Variants in ENOX1 observed in about 807,000 individuals in gnomAD.
ENOX1 encodes the protein ecto-NOX disulfide-thiol exchanger 1.
ENOX1 carries 42 observed loss-of-function variants against 82.5 expected under a neutral mutation model. That is an observed-to-expected ratio of 0.51 (90% CI 0.40 to 0.66). The LOEUF (loss-of-function observed/expected upper bound fraction) is 0.66, where lower values mean the gene tolerates loss of function less well. ENOX1 is among the 30% of genes least tolerant of loss of function. ENOX1 has a pLI of 0.00. For synonymous variants in ENOX1, 271 were observed against 282.2 expected (o/e 0.96, Z 0.40); for missense variants, 608 against 811.6 (o/e 0.75, Z 3.05).
chr13:43,692,456 GA>G (rs879260246), intron 1 of ENOX1, among the ~76,000 whole-genome samples: 21 of 150,136 alleles, frequency 1.4e-4, no homozygotes, highest in East Asian at 5.8e-4. Flanking sequence ...TTTCAATTGG[GA>G]AAAAAAAATG....
intron 3 of ENOX1, among the ~76,000 whole-genome samples, chr13:43,462,384 T>C (rs913962871): frequency 1.3e-5 from 2 of 152,332 alleles, no homozygotes; most frequent in Middle Eastern, 3.4e-3. Context: ...ATTAATAGTC[T>C]GGGTATGCAA....
intron 3 of ENOX1, among the ~76,000 whole-genome samples, chr13:43,420,900 TTAAATA>T (rs2054935435): frequency 6.6e-6 from 1 of 152,168 alleles, no homozygotes; most frequent in African/African-American, 2.4e-5. Flanking sequence ...CTCAAATCTG[TTAAATA>T]TAGAGGATGG....
At chr13:43,328,588 G>A (rs1039409902) in intron 9 of ENOX1, among the ~76,000 whole-genome samples, 2 of 152,160 alleles carry the variant, frequency 1.3e-5, no homozygotes, top group Non-Finnish European at 2.9e-5. Context: ...TCATAAAAAC[G>A]TGTAAGGGGC....
chr13:43,586,585 T>C (rs545065849), intron 2 of ENOX1, among the ~76,000 whole-genome samples: 89 of 152,232 alleles, frequency 5.8e-4, no homozygotes, highest in Non-Finnish European at 1.1e-3. Flanking sequence ...TCCCTCTGAA[T>C]GAAGAGGAGG....
chr13:43,477,000 C>A (rs1267409354), intron 3 of ENOX1, among the ~76,000 whole-genome samples: 1 of 151,090 alleles, frequency 6.6e-6, no homozygotes, highest in Non-Finnish European at 1.5e-5. Context: ...CAACAATTAA[C>A]CACTATGAAT....
intron 1 of ENOX1, among the ~76,000 whole-genome samples, chr13:43,724,731 T>C (rs961532397): frequency 1.2e-4 from 19 of 152,206 alleles, no homozygotes; most frequent in Admixed American, 2.6e-4. Context: ...TCCTAATCCA[T>C]AGTTATCTAA....
intron 14 of ENOX1, among the ~76,000 whole-genome samples, chr13:43,253,577 C>T (rs1179931863): frequency 2.6e-5 from 4 of 152,164 alleles, no homozygotes; most frequent in South Asian, 2.1e-4. Context: ...CCTGGTCTCA[C>T]GTGTGGTTAG....
chr13:43,251,461 G>A (rs1178005564), intron 14 of ENOX1, among the ~76,000 whole-genome samples: 1 of 152,184 alleles, frequency 6.6e-6, no homozygotes, highest in Non-Finnish European at 1.5e-5. Context: ...GTTAGGTTCT[G>A]CAAGGAATAC....
intron 1 of ENOX1, among the ~76,000 whole-genome samples, chr13:43,728,537 T>A (rs1323907796): frequency 6.6e-6 from 1 of 152,166 alleles, no homozygotes; most frequent in African/African-American, 2.4e-5. Flanking sequence ...GGCAAATAGA[T>A]CATTGTTTCC....
chr13:43,508,174 G>A (rs1468875607), intron 2 of ENOX1, among the ~76,000 whole-genome samples: 2 of 152,126 alleles, frequency 1.3e-5, no homozygotes, highest in Middle Eastern at 3.4e-3. Flanking sequence ...AAGTGACAAA[G>A]TCACGAGAGC....
chr13:43,650,950 T>C (rs755463145), intron 2 of ENOX1, among the ~76,000 whole-genome samples: 18 of 152,198 alleles, frequency 1.2e-4, no homozygotes, highest in Non-Finnish European at 2.4e-4. Context: ...CCAACCTTTT[T>C]TGGGGAATCC....
intron 2 of ENOX1, among the ~76,000 whole-genome samples, chr13:43,604,330 G>A (rs1006465020): frequency 6.6e-6 from 1 of 151,846 alleles, no homozygotes; most frequent in African/African-American, 2.4e-5. Flanking sequence ...CCCATTTTGT[G>A]GGTTGCCTGT....
At chr13:43,283,918 T>C (rs1210514841) in intron 12 of ENOX1, among the ~76,000 whole-genome samples, 8 of 152,192 alleles carry the variant, frequency 5.3e-5, no homozygotes, top group African/African-American at 1.7e-4. Context: ...AAGTTAATTC[T>C]GATTTCTTTT....
At chr13:43,712,919 A>G (rs1004234599) in intron 1 of ENOX1, among the ~76,000 whole-genome samples, 1 of 151,950 alleles carries the variant, frequency 6.6e-6, no homozygotes, top group African/African-American at 2.4e-5. Flanking sequence ...TCTCCTGCCT[A>G]ACTGCCCTGG....
chr13:43,404,064 C>T (rs916395772), intron 5 of ENOX1, among the ~76,000 whole-genome samples: 3 of 152,086 alleles, frequency 2.0e-5, no homozygotes, highest in African/African-American at 7.2e-5. Context: ...GGACAGCAGC[C>T]TTCTAGATAC....
chr13:43,442,521 C>T (rs1379323804), intron 3 of ENOX1, among the ~76,000 whole-genome samples: 3 of 152,174 alleles, frequency 2.0e-5, no homozygotes, highest in Admixed American at 2.0e-4. Flanking sequence ...CTCTAAATAC[C>T]AATGACAATA....
At chr13:43,271,691 A>G (rs2044693945) in intron 12 of ENOX1, among the ~76,000 whole-genome samples, 1 of 151,834 alleles carries the variant, frequency 6.6e-6, no homozygotes, top group Non-Finnish European at 1.5e-5. Flanking sequence ...ACACACAAGC[A>G]TGTGTGTGCA....
chr13:43,721,121 A>C (rs1344960962), intron 1 of ENOX1, among the ~76,000 whole-genome samples: 1 of 152,198 alleles, frequency 6.6e-6, no homozygotes, highest in African/African-American at 2.4e-5. Context: ...AAATAAAAAC[A>C]ACTGAGTTTT....
At chr13:43,377,783 G>A (rs527487332) in intron 5 of ENOX1, among the ~76,000 whole-genome samples, 1 of 152,260 alleles carries the variant, frequency 6.6e-6, no homozygotes, top group East Asian at 1.9e-4. Flanking sequence ...TCACACTCAG[G>A]TCAGTTCTAT....
Sources: gnomAD v4.1 joint callset for allele counts (sites outside exome capture counted in the v4.1 genomes callset) on GRCh38, gnomAD v4.1.1 for gene constraint, MANE v1.5 for transcripts, NCBI Gene and HGNC (gene_info 2026-07-23, HGNC 2026-07-21) for gene names.